Variants in CC2D2A observed in about 807,000 individuals in gnomAD.
CC2D2A encodes the protein coiled-coil and C2 domain containing 2A.
A neutral mutation model predicts 212.9 loss-of-function variants in CC2D2A; 155 were observed. That is an observed-to-expected ratio of 0.73 (90% CI 0.64 to 0.83). The LOEUF (loss-of-function observed/expected upper bound fraction) is 0.83, where lower values mean the gene tolerates loss of function less well. Ranked by LOEUF, CC2D2A falls within the 40% of genes least tolerant of loss-of-function variation. The pLI is 0.00. For synonymous variants in CC2D2A, 667 were observed against 686.5 expected (o/e 0.97, Z 0.44); for missense variants, 1,856 against 1,956.2 (o/e 0.95, Z 0.97).
Position 15,601,489 on chromosome 4 carries a change from T to G in CC2D2A, c.*64T>G. The G allele has an allele frequency of 2.0e-6, 2 of 978,030 alleles. No individual in the cohort carries two copies. The allele number at this position is 978,030 out of a possible 1,614,324, so 60.6% of individuals were successfully genotyped here. ...ACTTAGGATATGAGAAAATTTTAAA[T>G]TATATGCATCACATCAGAAGAACAT... On this transcript the variant is annotated 3_prime_UTR_variant, in exon 37 of 37. Coordinates refer to ENST00000424120, the MANE Select transcript of CC2D2A (RefSeq NM_001378615.1).
At chr4:15,493,297 C>T (rs888898622) in intron 4 of CC2D2A, among the ~76,000 whole-genome samples, 2 of 151,900 alleles carry the variant, frequency 1.3e-5, no homozygotes, top group South Asian at 4.1e-4. Context: ...GAGACAAGGT[C>T]TGGCTCTGTT....
chr4:15,521,641 G>C (rs1250072833), intron 11 of CC2D2A, among the ~76,000 whole-genome samples: 1 of 152,170 alleles, frequency 6.6e-6, no homozygotes, highest in Non-Finnish European at 1.5e-5. Flanking sequence ...TCTCCTCTCT[G>C]GCTATGCTGA....
At chr4:15,511,220 T>C (rs930710040) in intron 7 of CC2D2A, 27 bp from the exon 8 acceptor site, 5 of 1,573,096 alleles carry the variant, frequency 3.2e-6, no homozygotes, top group African/African-American at 2.7e-5. Context: ...AAATGGGAAA[T>C]TGCGATTGCT....
Position 15,601,444 on chromosome 4 carries a change from C to G in CC2D2A, c.*19C>G. ...CAGGTAATTTTTTTCACTGTACTTT[C>G]TGTATCATGTAAAAACTACACTTAG... On this transcript the variant is annotated 3_prime_UTR_variant, in exon 37 of 37. Transcript: ENST00000424120. 7.0e-7 allele frequency: 1 copy of G among 1,423,486 alleles called. No individual in the cohort carries two copies. Among genetic ancestry groups the G allele is most frequent in the Non-Finnish European group, 9.3e-7 (1 of 1,075,220 alleles). The allele number at this position is 1,423,486 out of a possible 1,614,324, so 88.2% of individuals were successfully genotyped here.
At chr4:15,595,856 C>T in intron 33 of CC2D2A, 1 of 331,728 alleles carries the variant, frequency 3.0e-6, no homozygotes, top group Middle Eastern at 8.1e-4. Context: ...CTAAGGTACA[C>T]CCCCAACTTC....
chr4:15,502,476 T>C lies in CC2D2A; in HGVS notation c.295T>C (p.Ser99Pro), dbSNP rs764096982. ...TTCCAGAACAGGCTTTGCAGAATTT[T>C]CCATGAGGGGACGCATGAGGGAGAA... ...STSRTGFAEF[S>P]MRGRMREKLQ... Residue 99 changes from serine to proline, a missense_variant, in exon 5 of 37, where the codon TCC (serine) becomes CCC (proline). Coordinates refer to ENST00000424120, the MANE Select transcript of CC2D2A (RefSeq NM_001378615.1). 15 of 1,609,820 alleles carry C rather than the reference T, an allele frequency of 9.3e-6. No homozygotes were observed. The highest frequency in any genetic ancestry group is 1.6e-4 in the Middle Eastern group (1 of 6,070).
chr4:15,483,319 G>A (rs1404778369), intron 4 of CC2D2A, among the ~76,000 whole-genome samples: 1 of 152,198 alleles, frequency 6.6e-6, no homozygotes, highest in Non-Finnish European at 1.5e-5. Flanking sequence ...CACATATGGA[G>A]GAGTCTGCAT....
chr4:15,565,722 C>T (rs1468374694), intron 24 of CC2D2A, among the ~76,000 whole-genome samples: 2 of 152,122 alleles, frequency 1.3e-5, no homozygotes, highest in Admixed American at 6.6e-5. Flanking sequence ...GATCCTCCTC[C>T]CTCAACCTCC....
In CC2D2A at chr4:15,599,547, A is replaced by G. The variant is rs1415936028; in HGVS notation, c.4515A>G (p.Lys1505=). Reference sequence around the variant, plus strand: ...TGAACAGGATTGAAAAAATACTAAAAGAAAAAATCATGGACTGGAGGCCAC... The same window carrying G: ...TGAACAGGATTGAAAAAATACTAAAGGAAAAAATCATGGACTGGAGGCCAC... The part of the protein sequence containing the change: ...ELQDRIEKIL[K]EKIMDWRPRH... The change falls in exon 36 of 37, where the codon AAA becomes AAG. Residue 1505 remains lysine (K), a synonymous_variant. Coordinates refer to ENST00000424120, the MANE Select transcript of CC2D2A (RefSeq NM_001378615.1). 6.4e-7 allele frequency: 1 copy of G among 1,567,118 alleles called. No individual in the cohort carries two copies. The highest frequency in any genetic ancestry group is 8.7e-7 in the Non-Finnish European group (1 of 1,153,022).
At chr4:15,544,152 G>C (rs1052597886) in intron 17 of CC2D2A, among the ~76,000 whole-genome samples, 1 of 152,130 alleles carries the variant, frequency 6.6e-6, no homozygotes, top group Non-Finnish European at 1.5e-5. Context: ...TTTAAAGTAA[G>C]ACTTACTGCA....
intron 13 of CC2D2A, among the ~76,000 whole-genome samples, chr4:15,530,023 G>C (rs1026823004): frequency 6.6e-6 from 1 of 151,506 alleles, no homozygotes; most frequent in South Asian, 2.1e-4. Context: ...CCAGGCTGGA[G>C]TGCAGTGGTG....
chr4:15,533,043 T>G (rs1717930523), intron 13 of CC2D2A, 150 bp from the exon 14 acceptor site: 1 of 581,992 alleles, frequency 1.7e-6, no homozygotes, highest in Admixed American at 4.2e-5. Context: ...TCCTATTGTC[T>G]TTACATTCAC....
intron 6 of CC2D2A, among the ~76,000 whole-genome samples, chr4:15,505,976 A>G (rs1040588405): frequency 1.3e-5 from 2 of 152,338 alleles, no homozygotes; most frequent in Non-Finnish European, 2.9e-5. Context: ...ATTATGTTAT[A>G]ACAAAAGCAG....
At chr4:15,595,886 A>C in intron 33 of CC2D2A, 199 bp from the exon 34 acceptor site, 1 of 378,066 alleles carries the variant, frequency 2.6e-6, no homozygotes, top group East Asian at 4.0e-5. Flanking sequence ...ATGTGAAAAA[A>C]TGGCCAATGA....
intron 17 of CC2D2A, among the ~76,000 whole-genome samples, chr4:15,544,926 T>C (rs11735063): frequency 0.075 from 11,455 of 152,290 alleles, 554 homozygotes; most frequent in Non-Finnish European, 0.11. Flanking sequence ...GCAATAAGCT[T>C]GGTCCTAAAA....
intron 21 of CC2D2A, among the ~76,000 whole-genome samples, chr4:15,558,894 C>A (rs1376464974): frequency 6.6e-6 from 1 of 152,158 alleles, no homozygotes; most frequent in Non-Finnish European, 1.5e-5. Flanking sequence ...CTTGGAAGAG[C>A]TTCTCTGTGG....
chr4:15,521,149 G>A (rs1285907393), intron 11 of CC2D2A, among the ~76,000 whole-genome samples: 1 of 152,156 alleles, frequency 6.6e-6, no homozygotes, highest in African/African-American at 2.4e-5. Context: ...ATTTATTGGA[G>A]GGCTATGTTT....
intron 25 of CC2D2A, 88 bp from the exon 26 acceptor site, chr4:15,567,589 T>C: frequency 7.7e-7 from 1 of 1,304,132 alleles, no homozygotes; most frequent in Admixed American, 2.5e-5. Context: ...TTTGGAAACA[T>C]ACTACTTAGT....
At chr4:15,554,220 G>A (rs1354941017) in intron 19 of CC2D2A, among the ~76,000 whole-genome samples, 1 of 152,154 alleles carries the variant, frequency 6.6e-6, no homozygotes, top group African/African-American at 2.4e-5. Context: ...AAATCTCCTG[G>A]GGAGTAAAGC....
Sources: allele counts gnomAD v4.1 joint callset (sites outside exome capture counted in the v4.1 genomes callset), GRCh38; gene constraint gnomAD v4.1.1; transcripts MANE v1.5; gene names NCBI Gene and HGNC (gene_info 2026-07-23, HGNC 2026-07-21).